EPM2A: variants seen among roughly 807,000 people sequenced by gnomAD.
EPM2A encodes laforin.
In EPM2A, 21 loss-of-function variants were observed where a neutral mutation model predicts 26.5. That is an observed-to-expected ratio of 0.79 (90% CI 0.56 to 1.14). The LOEUF is 1.14. Among genes scored for constraint, EPM2A ranks in the 50% most tolerant of loss-of-function variants. The pLI, the probability that EPM2A is intolerant of heterozygous loss-of-function variation, is 0.00. For synonymous variants in EPM2A, 217 were observed against 177.6 expected, an observed-to-expected ratio of 1.22 and a Z score of -1.76; for missense variants, 458 against 440.8, an observed-to-expected ratio of 1.04 and a Z score of -0.35.
chr6:145,481,274 A>G (rs185258903), intron 4 of EPM2A, among the ~76,000 whole-genome samples: 152 of 152,300 alleles, frequency 1.0e-3, no homozygotes, highest in African/African-American at 3.5e-3. Flanking sequence ...AACCAAAAAT[A>G]AATTAAAAGG....
At chr6:145,405,768 A>G (rs182702548) in intron 4 of EPM2A, among the ~76,000 whole-genome samples, 18 of 152,264 alleles carry the variant, frequency 1.2e-4, no homozygotes, top group African/African-American at 4.3e-4. Flanking sequence ...GGTAAGAAAT[A>G]GTCATTCTGG....
chr6:145,456,435 T>C (rs1400838815), intron 4 of EPM2A, among the ~76,000 whole-genome samples: 1 of 152,124 alleles, frequency 6.6e-6, no homozygotes, highest in African/African-American at 2.4e-5. Flanking sequence ...AGGAAAGAGA[T>C]GAACAGAGAG....
chr6:145,706,020 G>A (rs1782206008), intron 1 of EPM2A: 2 of 444,862 alleles, frequency 4.5e-6, no homozygotes, highest in Admixed American at 2.4e-5. Flanking sequence ...ATAGAAGGCT[G>A]GAAGACTTGG....
At chr6:145,545,639 C>G (rs370576404) in intron 2 of EPM2A, among the ~76,000 whole-genome samples, 6 of 152,068 alleles carry the variant, frequency 3.9e-5, no homozygotes, top group African/African-American at 1.4e-4. Flanking sequence ...ATAAACATGT[C>G]ACTCCTCTCC....
At chr6:145,540,705 C>T (rs1780495151) in intron 2 of EPM2A, among the ~76,000 whole-genome samples, 1 of 152,018 alleles carries the variant, frequency 6.6e-6, no homozygotes, top group Non-Finnish European at 1.5e-5. Flanking sequence ...AGTAAAGACG[C>T]ATTTCAGAAA....
intron 2 of EPM2A, among the ~76,000 whole-genome samples, chr6:145,653,998 A>C (rs1462597140): frequency 6.6e-6 from 1 of 152,130 alleles, no homozygotes; most frequent in Non-Finnish European, 1.5e-5. Flanking sequence ...TATTTAATTT[A>C]TATATTGCTG....
At chr6:145,533,906 C>G (rs1185311981) in intron 2 of EPM2A, among the ~76,000 whole-genome samples, 1 of 151,798 alleles carries the variant, frequency 6.6e-6, no homozygotes, top group African/African-American at 2.4e-5. Context: ...CTTGAGCTAC[C>G]TGGTATATTG....
chr6:145,425,579 T>C (rs1171620996), intron 4 of EPM2A, among the ~76,000 whole-genome samples: 2 of 151,532 alleles, frequency 1.3e-5, no homozygotes, highest in East Asian at 3.9e-4. Context: ...AAAGATAGCT[T>C]CTGTACCTAA....
chr6:145,497,871 A>G (rs2114747827), downstream of EPM2A, among the ~76,000 whole-genome samples: 1 of 152,354 alleles, frequency 6.6e-6, no homozygotes, highest in Admixed American at 6.5e-5. Context: ...CTGCCCCAGT[A>G]GGCTTGGGCT....
chr6:145,614,364 A>G (rs1404637288), intron 2 of EPM2A, among the ~76,000 whole-genome samples: 1 of 152,192 alleles, frequency 6.6e-6, no homozygotes. Context: ...CAGTAATAAG[A>G]CTGTTTTGCC....
At chr6:145,417,554 A>G (rs1778725496) in intron 4 of EPM2A, among the ~76,000 whole-genome samples, 1 of 152,182 alleles carries the variant, frequency 6.6e-6, no homozygotes. Flanking sequence ...GAACTTTAAG[A>G]TGAAATTTCT....
chr6:145,510,391 A>G (rs1325219336), intron 2 of EPM2A, among the ~76,000 whole-genome samples: 1 of 152,086 alleles, frequency 6.6e-6, no homozygotes, highest in Non-Finnish European at 1.5e-5. Context: ...TACCAGCCAT[A>G]CTCTCCAACC....
intron 4 of EPM2A, among the ~76,000 whole-genome samples, chr6:145,391,270 G>A (rs1386665876): frequency 1.3e-5 from 2 of 152,100 alleles, no homozygotes; most frequent in African/African-American, 2.4e-5. Flanking sequence ...TCAACCATCA[G>A]CCTGACACTG....
At chr6:145,668,005 G>A (rs1426376835) in intron 2 of EPM2A, among the ~76,000 whole-genome samples, 31 of 137,648 alleles carry the variant, frequency 2.3e-4, no homozygotes, top group African/African-American at 6.8e-4. Flanking sequence ...CACACTCTGG[G>A]GACTGTGGTG....
intron 2 of EPM2A, among the ~76,000 whole-genome samples, chr6:145,599,174 A>G (rs1423265944): frequency 3.3e-5 from 5 of 152,206 alleles, no homozygotes; most frequent in Non-Finnish European, 7.4e-5. Context: ...TAGGAATAGC[A>G]TTGAATCTAT....
intron 2 of EPM2A, among the ~76,000 whole-genome samples, chr6:145,586,894 A>G (rs1401795914): frequency 6.6e-6 from 1 of 152,240 alleles, no homozygotes; most frequent in East Asian, 1.9e-4. Context: ...TCCTTAAAAA[A>G]GTAACTGATG....
intron 4 of EPM2A, among the ~76,000 whole-genome samples, chr6:145,468,406 TATAATA>T (rs1432934946): frequency 6.6e-6 from 1 of 152,132 alleles, no homozygotes; most frequent in African/African-American, 2.4e-5. Context: ...CTGAAATTAT[TATAATA>T]ATGTAATTCT....
chr6:145,488,892 A>T (rs1374123790), intron 4 of EPM2A, among the ~76,000 whole-genome samples: 4 of 152,288 alleles, frequency 2.6e-5, no homozygotes, highest in Non-Finnish European at 5.9e-5. Context: ...AAATTTCTTA[A>T]CCGAACTTAA....
intron 4 of EPM2A, among the ~76,000 whole-genome samples, chr6:145,467,668 T>G (rs1197660491): frequency 2.6e-5 from 4 of 152,126 alleles, no homozygotes; most frequent in Non-Finnish European, 4.4e-5. Context: ...TGCATTAAAT[T>G]TATAGATTAA....
Sources: allele counts gnomAD v4.1 joint callset (sites outside exome capture counted in the v4.1 genomes callset), GRCh38; gene constraint gnomAD v4.1.1; transcripts MANE v1.5; gene names NCBI Gene and HGNC (gene_info 2026-07-23, HGNC 2026-07-21).